Variants in PDPK1 observed in about 807,000 individuals in gnomAD.
PDPK1 encodes the protein 3-phosphoinositide dependent protein kinase 1.
In PDPK1, 7 loss-of-function variants were observed where a neutral mutation model predicts 39.8. The ratio of observed to expected loss-of-function variants is 0.18; its 90% CI spans 0.10 to 0.33. The LOEUF (loss-of-function observed/expected upper bound fraction) is 0.33, where lower values mean the gene tolerates loss of function less well. PDPK1 is among the 10% of genes least tolerant of loss of function. The probability of loss-of-function intolerance (pLI) is 1.00; values close to 1 mark genes in which losing one functional copy is unlikely to be tolerated. For synonymous variants in PDPK1, 118 were observed against 159.1 expected, an observed-to-expected ratio of 0.74 and a Z score of 1.95; for missense variants, 182 against 384.7, an observed-to-expected ratio of 0.47 and a Z score of 4.41.
At chr16:2,545,498 T>C (rs895892076) in intron 1 of PDPK1, among the ~76,000 whole-genome samples, 1 of 151,892 alleles carries the variant, frequency 6.6e-6, no homozygotes, top group African/African-American at 2.4e-5. Context: ...CACACCTGGC[T>C]AATTTTTTTT....
chr16:2,589,524 C>CA (rs899486435), intron 11 of PDPK1, among the ~76,000 whole-genome samples: 10 of 151,858 alleles, frequency 6.6e-5, no homozygotes, highest in African/African-American at 2.4e-4. Flanking sequence ...CCTGTCTCTA[C>CA]AAAAAATACA....
chr16:2,597,632 AC>A lies in PDPK1; in HGVS notation c.1555-18del. Reference sequence around the variant, plus strand: ...GGTGGGACTCCCTGGAGAACACTAAACGGCTTCTGTCTTCGCAGCCTAACAG... The same window carrying A: ...GGTGGGACTCCCTGGAGAACACTAAAGGCTTCTGTCTTCGCAGCCTAACAG... On this transcript the variant is annotated intron_variant, in intron 13 of 13. Coordinates refer to ENST00000342085, the MANE Select transcript of PDPK1 (RefSeq NM_002613.5). The surrounding 1 kb of genome is among the most constrained non-coding windows in gnomAD (Gnocchi z 6.3). The A allele has an allele frequency of 1.3e-6, 2 of 1,571,472 alleles. No homozygotes were observed. The highest frequency in any genetic ancestry group is 1.8e-6 in the Non-Finnish European group (2 of 1,141,332).
In PDPK1 at chr16:2,593,387, C is replaced by A. The variant is rs543884080; in HGVS notation, c.1344-2406C>A. 1 of 326,614 alleles carries A rather than the reference C, an allele frequency of 3.1e-6. No individual in the cohort carries two copies. Among genetic ancestry groups the A allele is most frequent in the East Asian group, 9.3e-5 (1 of 10,754 alleles). 20.2% of individuals were successfully genotyped at this position (326,614 alleles called of 1,614,324 possible). ...GTCCTTTCCCGCCCCAGCTGTGGTC[C>A]TGGTGGTTTTTTAGGTGGAGGTGGT... On this transcript the variant is annotated intron_variant, in intron 11 of 13. Transcript: ENST00000342085. This position sits in a 1 kb window ranked among gnomAD's most constrained non-coding sequence, Gnocchi z 4.2.
chr16:2,577,762 C>T lies in PDPK1; in HGVS notation c.785+262C>T, dbSNP rs181204535. On this transcript the variant is annotated intron_variant, in intron 7 of 13. Transcript: ENST00000342085. ...GTTTTTGTTTTTTTGTTTTTTGAGA[C>T]GGAGTCTCGCTCTGTCTCCAGACTG... 1.1e-4 allele frequency among the ~76,000 whole-genome samples: 17 copies of T among 149,718 alleles called. 3 individuals are homozygous for T. In the East Asian group the frequency reaches 3.2e-3, roughly 28 times the overall value.
chr16:2,542,160 GTTTA>G (rs1342507667), intron 1 of PDPK1, among the ~76,000 whole-genome samples: 37 of 152,308 alleles, frequency 2.4e-4, no homozygotes, highest in Non-Finnish European at 5.0e-4. Flanking sequence ...GTTTCTGTTT[GTTTA>G]TTTATTTATT....
At chr16:2,590,871 C>G (rs1270354884) in intron 11 of PDPK1, among the ~76,000 whole-genome samples, 1 of 151,984 alleles carries the variant, frequency 6.6e-6, no homozygotes, top group African/African-American at 2.4e-5. Context: ...TGGTCTCGAA[C>G]TGCTGGGCTG....
rs2067185761 is a variant in PDPK1, at chr16:2,600,049, C to T, written c.*2282C>T. ...TCTGTGGGTCACCTTTCTCCTCACC[C>T]AGCCCCTTGCTCTTCCCTTTTGAAA... On this transcript the variant is annotated 3_prime_UTR_variant, in exon 14 of 14. Coordinates refer to ENST00000342085, the MANE Select transcript of PDPK1 (RefSeq NM_002613.5). 1 of 218,628 alleles carries T rather than the reference C, an allele frequency of 4.6e-6. No homozygotes were observed. The highest frequency in any genetic ancestry group is 8.7e-6 in the Non-Finnish European group (1 of 114,412). The allele number at this position is 218,628 out of a possible 1,614,324, so 13.5% of individuals were successfully genotyped here.
intron 11 of PDPK1, 105 bp from the exon 12 acceptor site, chr16:2,595,688 T>C (rs1375513730): frequency 5.7e-6 from 5 of 877,614 alleles, no homozygotes; most frequent in African/African-American, 1.6e-5. Flanking sequence ...GCTGGCTCTG[T>C]GAGGGGCAGG....
At chr16:2,579,694 G>GT (rs1222084260) in intron 7 of PDPK1, 1 of 144,892 alleles carries the variant, frequency 6.9e-6, no homozygotes, top group Non-Finnish European at 1.5e-5. Flanking sequence ...GCTCACGTCT[G>GT]TAATCCCATT....
intron 10 of PDPK1, among the ~76,000 whole-genome samples, chr16:2,584,525 GCC>G (rs1215062813): frequency 6.7e-6 from 1 of 149,238 alleles, no homozygotes; most frequent in East Asian, 2.0e-4. Context: ...GCACCACCAT[GCC>G]CGGCTAATTT....
At chr16:2,588,414 T>TGCA (rs977782164) in intron 11 of PDPK1, among the ~76,000 whole-genome samples, 1 of 152,196 alleles carries the variant, frequency 6.6e-6, no homozygotes, top group Non-Finnish European at 1.5e-5. Context: ...GAAGGGCTGC[T>TGCA]GTGGCCACTC....
rs1353579315 is a variant in PDPK1 at position 2,603,182 on chromosome 16, G to A, written c.*5415G>A. 4.7e-6 allele frequency: 1 copy of A among 212,338 alleles called. No individual in the cohort carries two copies. Among genetic ancestry groups the A allele is most frequent in the Non-Finnish European group, 9.5e-6 (1 of 104,822 alleles). The allele number at this position is 212,338 out of a possible 1,614,324, so 13.2% of individuals were successfully genotyped here. A position where few individuals can be genotyped will look rare whatever the true frequency, so the allele number is the denominator to read the frequency against. ...GTAGTCTTGTAATAAAAAGCATGTAGAGTGTAGAGGTTTGCTGGCGTGGCT... is the reference window on the plus strand; with the variant it reads ...GTAGTCTTGTAATAAAAAGCATGTAAAGTGTAGAGGTTTGCTGGCGTGGCT... On this transcript the variant is annotated 3_prime_UTR_variant, in exon 14 of 14. Coordinates refer to ENST00000342085, the MANE Select transcript of PDPK1 (RefSeq NM_002613.5).
rs1374655624 is a variant in PDPK1, at chr16:2,593,882, A to G, written c.1344-1911A>G. The stretch of plus-strand genomic sequence containing the variant: ...TCCTCATCACATGTCCTTTTCAGGA[A>G]CCTCCTTGATCTGTTTCTCTTTGTT... On this transcript the variant is annotated intron_variant, in intron 11 of 13. Coordinates refer to ENST00000342085, the MANE Select transcript of PDPK1 (RefSeq NM_002613.5). The surrounding 1 kb of genome is among the most constrained non-coding windows in gnomAD (Gnocchi z 4.2). 1 of 152,182 alleles carries G rather than the reference A, an allele frequency of 6.6e-6. No homozygotes were observed. Among genetic ancestry groups the G allele is most frequent in the African/African-American group, 2.4e-5 (1 of 41,394 alleles). The allele number at this position is 152,182 out of a possible 1,614,324, so 9.4% of individuals were successfully genotyped here.
chr16:2,561,234 C>CAGA (rs2066603879), intron 2 of PDPK1, among the ~76,000 whole-genome samples: 1 of 146,694 alleles, frequency 6.8e-6, no homozygotes, highest in Non-Finnish European at 1.5e-5. Flanking sequence ...GGGCTGTTAG[C>CAGA]AGCTGATCCA....
At position 2,538,128 on chromosome 16, in the gene PDPK1, A is replaced by C; in HGVS notation, c.16A>C (p.Ser6Arg). The C allele has an allele frequency of 9.4e-7, 1 of 1,063,184 alleles. No individual in the cohort carries two copies. The highest frequency in any genetic ancestry group is 1.1e-6 in the Non-Finnish European group (1 of 879,884). 65.9% of individuals were successfully genotyped at this position (1,063,184 alleles called of 1,614,324 possible). The change falls in exon 1 of 14, where the codon AGC becomes CGC. Residue 6 changes from serine to arginine, a missense_variant. Around this residue, in one of 5 missense-constraint regions of PDPK1, gnomAD observed 14 missense variants for 16.3 expected, o/e 0.86. Transcript: ENST00000342085. MARTT[S>R]QLYDAVPIQS... Reference sequence around the variant, plus strand: ...CGCGGGGCCCATGGCCAGGACCACCAGCCAGCTGGTGAGCGCGCGGCGGCG... The same window carrying C: ...CGCGGGGCCCATGGCCAGGACCACCCGCCAGCTGGTGAGCGCGCGGCGGCG...
intron 1 of PDPK1, among the ~76,000 whole-genome samples, chr16:2,551,645 G>A (rs1284592614): frequency 3.3e-5 from 5 of 150,276 alleles, no homozygotes; most frequent in African/African-American, 7.3e-5. Flanking sequence ...CATAGGAGGC[G>A]CCCTGATTTC....
chr16:2,595,868 C>A lies in PDPK1; in HGVS notation c.1401+18C>A, dbSNP rs1289889515. The A allele has an allele frequency of 6.2e-7, 1 of 1,600,590 alleles. No homozygotes were observed. Among genetic ancestry groups the A allele is most frequent in the Non-Finnish European group, 8.6e-7 (1 of 1,167,776 alleles). ...AGCGGAAGGTGAGTGGTCAGTGGTCCCGCTGCTCCGCACGGACACCTGCAT... is the reference window on the plus strand; with the variant it reads ...AGCGGAAGGTGAGTGGTCAGTGGTCACGCTGCTCCGCACGGACACCTGCAT... On this transcript the variant is annotated intron_variant, in intron 12 of 13. Transcript: ENST00000342085.
rs960148628 is a variant in PDPK1 at position 2,595,700 on chromosome 16, C to T, written c.1344-93C>T. On this transcript the variant is annotated intron_variant, in intron 11 of 13. Transcript: ENST00000342085. ...GAGGCTGGCTCTGTGAGGGGCAGGC[C>T]GAGGCTATGGGGAGTTCGTGTGGCA... 2.2e-5 allele frequency: 22 copies of T among 1,006,582 alleles called. No homozygotes were observed. In the East Asian group the frequency reaches 3.8e-4, roughly 17 times the overall value. 62.4% of individuals were successfully genotyped at this position (1,006,582 alleles called of 1,614,324 possible).
Position 2,597,083 on chromosome 16 carries a change from A to C in PDPK1, c.1402-40A>C, listed in dbSNP as rs1359649422. On this transcript the variant is annotated intron_variant, in intron 12 of 13. Transcript: ENST00000342085. The surrounding 1 kb of genome is among the most constrained non-coding windows in gnomAD (Gnocchi z 6.3). ...CTAGGCTCCAGGAGATGCCGTCAGCACTGGCCTCTGAGGCCTGTTGTTTTG... is the reference window on the plus strand; with the variant it reads ...CTAGGCTCCAGGAGATGCCGTCAGCCCTGGCCTCTGAGGCCTGTTGTTTTG... 1.3e-6 allele frequency: 2 copies of C among 1,511,768 alleles called. No individual in the cohort carries two copies. Among genetic ancestry groups the C allele is most frequent in the Non-Finnish European group, 1.8e-6 (2 of 1,120,696 alleles). 93.6% of individuals were successfully genotyped at this position (1,511,768 alleles called of 1,614,324 possible). A position where few individuals can be genotyped will look rare whatever the true frequency, so the allele number is the denominator to read the frequency against.
Sources: gnomAD v4.1 joint callset for allele counts (sites outside exome capture counted in the v4.1 genomes callset) on GRCh38, gnomAD v4.1.1 for gene constraint, gnomAD v4.1.1 regional missense constraint, Gnocchi (gnomAD v3.1) non-coding constraint, MANE v1.5 for transcripts, NCBI Gene and HGNC (gene_info 2026-07-23, HGNC 2026-07-21) for gene names.